Variants in ZNF492 observed in about 807,000 individuals in gnomAD.
ZNF492 encodes zinc finger protein 492, also known as zinc finger protein 115 (Y20).
Under a neutral mutation model 6.4 loss-of-function variants are expected in ZNF492, and 3 were observed. The observed-to-expected ratio is 0.47, with a 90% confidence interval of 0.21 to 1.22. The LOEUF is 1.22. ZNF492 is among the 50% of genes most tolerant of loss of function. The probability of loss-of-function intolerance (pLI) is 0.22; values close to 1 mark genes in which losing one functional copy is unlikely to be tolerated. For missense variants in ZNF492, 356 were observed against 612.5 expected, an observed-to-expected ratio of 0.58 and a Z score of 4.42; for synonymous variants, 112 against 205.3, an observed-to-expected ratio of 0.55 and a Z score of 3.89.
intron 1 of ZNF492, among the ~76,000 whole-genome samples, chr19:22,646,118 G>A (rs1971875038): frequency 6.6e-6 from 1 of 152,134 alleles, no homozygotes. Flanking sequence ...GGGCAGTATG[G>A]CCATTTTCAT....
chr19:22,642,668 C>T (rs947663384), intron 1 of ZNF492, among the ~76,000 whole-genome samples: 7 of 152,054 alleles, frequency 4.6e-5, no homozygotes, highest in Admixed American at 1.3e-4. Flanking sequence ...GGAGTACAGG[C>T]GTAAGCGACC....
At chr19:22,637,272 C>T (rs569064803) in intron 1 of ZNF492, among the ~76,000 whole-genome samples, 25 of 152,048 alleles carry the variant, frequency 1.6e-4, no homozygotes, top group Non-Finnish European at 2.4e-4. Context: ...CCATTGCACC[C>T]GGCCTAAACC....
chr19:22,667,147 G>C lies in ZNF492; in HGVS notation c.*1882G>C, dbSNP rs2018168747. Reference sequence around the variant, plus strand: ...GGAGGCTGAGGCAGGAGAATCACTTGAACCCGGGAAGCAGAGGTTGCGGTG... The same window carrying C: ...GGAGGCTGAGGCAGGAGAATCACTTCAACCCGGGAAGCAGAGGTTGCGGTG... On this transcript the variant is annotated 3_prime_UTR_variant, in exon 4 of 4. Coordinates refer to ENST00000456783, the MANE Select transcript of ZNF492 (RefSeq NM_020855.3). The C allele has an allele frequency of 6.6e-6, 1 of 152,256 alleles. No individual in the cohort carries two copies. The highest frequency in any genetic ancestry group is 1.5e-5 in the Non-Finnish European group (1 of 68,104). The allele number at this position is 152,256 out of a possible 1,614,324, so 9.4% of individuals were successfully genotyped here. A position where few individuals can be genotyped will look rare whatever the true frequency, so the allele number is the denominator to read the frequency against.
At chr19:22,642,591 A>T (rs1971839802) in intron 1 of ZNF492, among the ~76,000 whole-genome samples, 1 of 151,450 alleles carries the variant, frequency 6.6e-6, no homozygotes, top group Non-Finnish European at 1.5e-5. Context: ...GGGTTTCACC[A>T]TGTTAGCCAG....
intron 1 of ZNF492, among the ~76,000 whole-genome samples, chr19:22,636,544 G>GTGTGTGTGTGTT (rs1443083228): frequency 6.7e-6 from 1 of 150,124 alleles, no homozygotes; most frequent in Non-Finnish European, 1.5e-5. Context: ...GTGTGTGTGT[G>GTGTGTGTGTGTT]TTTGTGTGTG....
intron 3 of ZNF492, among the ~76,000 whole-genome samples, chr19:22,659,591 CAGAGAGAG>C (rs71180579): frequency 8.3e-5 from 12 of 144,662 alleles, no homozygotes; most frequent in African/African-American, 3.3e-4. Flanking sequence ...CACACACACA[CAGAGAGAG>C]AGAGAGACGT....
chr19:22,642,417 T>G (rs1337538263), intron 1 of ZNF492, among the ~76,000 whole-genome samples: 1 of 107,056 alleles, frequency 9.3e-6, no homozygotes, highest in African/African-American at 4.3e-5. Flanking sequence ...TGAGATGGAG[T>G]CTCGCACTGT....
intron 1 of ZNF492, among the ~76,000 whole-genome samples, chr19:22,643,230 T>C (rs73030508): frequency 0.19 from 29,329 of 151,908 alleles, 3,657 homozygotes; most frequent in African/African-American, 0.36. Context: ...GCGCACATCT[T>C]GTCACTGCAC....
At chr19:22,647,684 T>A (rs1971896085) in intron 1 of ZNF492, among the ~76,000 whole-genome samples, 1 of 151,692 alleles carries the variant, frequency 6.6e-6, no homozygotes, top group Admixed American at 6.6e-5. Flanking sequence ...CTCTGCTAGC[T>A]TTTGGAATTG....
chr19:22,657,376 G>A (rs1026898573), intron 3 of ZNF492, among the ~76,000 whole-genome samples: 1 of 151,898 alleles, frequency 6.6e-6, no homozygotes, highest in African/African-American at 2.4e-5. Context: ...TTCTAAATTT[G>A]GATTACAGCA....
At chr19:22,659,373 C>T (rs948560824) in intron 3 of ZNF492, among the ~76,000 whole-genome samples, 3 of 151,526 alleles carry the variant, frequency 2.0e-5, no homozygotes, top group African/African-American at 7.3e-5. Flanking sequence ...GGGGTGTTTT[C>T]TATACCTCTG....
rs1972143255 is a variant in ZNF492 at position 22,667,470 on chromosome 19, A to G, written c.*2205A>G. The G allele has an allele frequency of 6.6e-6, 1 of 152,104 alleles. No individual in the cohort carries two copies. Among genetic ancestry groups the G allele is most frequent in the African/African-American group, 2.4e-5 (1 of 41,444 alleles). The allele number at this position is 152,104 out of a possible 1,614,324, so 9.4% of individuals were successfully genotyped here. A position where few individuals can be genotyped will look rare whatever the true frequency, so the allele number is the denominator to read the frequency against. ...TTCTGATAAGAGGCATACAATATGT[A>G]ATAATCACATTAGGGTAAATGAGGT... is the stretch of plus-strand genomic sequence containing the variant. On this transcript the variant is annotated 3_prime_UTR_variant, in exon 4 of 4. Coordinates refer to ENST00000456783, the MANE Select transcript of ZNF492 (RefSeq NM_020855.3).
chr19:22,641,817 G>A (rs571895633), intron 1 of ZNF492, among the ~76,000 whole-genome samples: 6 of 151,826 alleles, frequency 4.0e-5, no homozygotes, highest in African/African-American at 7.2e-5. Flanking sequence ...TTTTTGAGAC[G>A]GAGTCTTGCT....
intron 1 of ZNF492, among the ~76,000 whole-genome samples, chr19:22,640,322 C>T (rs543341414): frequency 2.6e-5 from 4 of 152,154 alleles, no homozygotes; most frequent in South Asian, 4.1e-4. Flanking sequence ...CTACCACGCT[C>T]GGCTAATTTT....
At chr19:22,648,023 C>T (rs1265888629) in intron 1 of ZNF492, among the ~76,000 whole-genome samples, 2 of 152,192 alleles carry the variant, frequency 1.3e-5, no homozygotes, top group South Asian at 2.1e-4. Flanking sequence ...CGTGAGTCAC[C>T]GTTCCCCGAC....
At chr19:22,659,607 C>T (rs1275623721) in intron 3 of ZNF492, among the ~76,000 whole-genome samples, 1 of 141,212 alleles carries the variant, frequency 7.1e-6, no homozygotes, top group Non-Finnish European at 1.5e-5. Context: ...GAGAGAGAGA[C>T]GTGTATACAG....
At chr19:22,658,303 C>A (rs1305187422) in intron 3 of ZNF492, among the ~76,000 whole-genome samples, 6 of 151,500 alleles carry the variant, frequency 4.0e-5, no homozygotes, top group Non-Finnish European at 7.4e-5. Context: ...GGTCCTGTCT[C>A]CTTGGGAGAT....
intron 3 of ZNF492, among the ~76,000 whole-genome samples, chr19:22,655,718 C>T (rs1971988009): frequency 7.9e-6 from 1 of 125,884 alleles, no homozygotes; most frequent in Non-Finnish European, 1.6e-5. Context: ...ACTTCCAGTG[C>T]TGTGTTAAAA....
At position 22,663,810 on chromosome 19, in the gene ZNF492, T is replaced by C. The variant is rs1237209564; in HGVS notation, c.141T>C (p.Ser47=). 5.3e-6 allele frequency: 8 copies of C among 1,516,628 alleles called. No homozygotes were observed. In the South Asian group the frequency reaches 9.6e-5, roughly 18 times the overall value. The allele number at this position is 1,516,628 out of a possible 1,614,324, so 93.9% of individuals were successfully genotyped here. A position where few individuals can be genotyped will look rare whatever the true frequency, so the allele number is the denominator to read the frequency against. Residue 47 remains serine, a synonymous_variant, in exon 4 of 4, where the codon TCT becomes TCC. Transcript: ENST00000456783. The stretch of plus-strand genomic sequence containing the variant: ...TTTTATTTCTTTCAGTTGTATGTTC[T>C]TATTTTGCCCGAGACCTTTGGCCAA... ...EMVAEPPVVC[S]YFARDLWPKQ... is the part of the protein sequence containing the mutation.
Sources: allele counts gnomAD v4.1 joint callset (sites outside exome capture counted in the v4.1 genomes callset), GRCh38; gene constraint gnomAD v4.1.1; transcripts MANE v1.5; gene names NCBI Gene and HGNC (gene_info 2026-07-23, HGNC 2026-07-21).